LHFPL3: variants seen among roughly 807,000 people sequenced by gnomAD.
The protein encoded by LHFPL3 is LHFPL tetraspan subfamily member 3 protein.
In LHFPL3, 5 loss-of-function variants were observed where a neutral mutation model predicts 19.3. That is an observed-to-expected ratio of 0.26 (90% CI 0.14 to 0.54). The LOEUF (loss-of-function observed/expected upper bound fraction) is 0.54. Ranked by LOEUF, LHFPL3 falls within the 20% of genes least tolerant of loss-of-function variation. The pLI is 0.94. For missense variants in LHFPL3, 249 were observed against 307.4 expected, an observed-to-expected ratio of 0.81 and a Z score of 1.42; for synonymous variants, 133 against 126.2, an observed-to-expected ratio of 1.05 and a Z score of -0.36.
At chr7:104,411,461 GT>G (rs1791533698) in intron 1 of LHFPL3, among the ~76,000 whole-genome samples, 1 of 152,100 alleles carries the variant, frequency 6.6e-6, no homozygotes, top group Non-Finnish European at 1.5e-5. Flanking sequence ...TTTATTGTAT[GT>G]TTTTGAAATT....
intron 2 of LHFPL3, among the ~76,000 whole-genome samples, chr7:104,836,300 C>T (rs2116575102): frequency 6.6e-6 from 1 of 152,252 alleles, no homozygotes; most frequent in Admixed American, 6.5e-5. Context: ...TTGGATTTTA[C>T]TCTAACTGTG....
chr7:104,423,778 C>CT (rs1047234733), intron 1 of LHFPL3, among the ~76,000 whole-genome samples: 2 of 151,770 alleles, frequency 1.3e-5, no homozygotes, highest in Non-Finnish European at 2.9e-5. Flanking sequence ...TGTGTCAAGG[C>CT]TGCAGTGAGC....
At chr7:104,432,712 T>C (rs1365379254) in intron 1 of LHFPL3, among the ~76,000 whole-genome samples, 3 of 152,234 alleles carry the variant, frequency 2.0e-5, no homozygotes. Flanking sequence ...AGGTTGCCTC[T>C]ATCTGTCAGG....
chr7:104,362,222 A>G (rs956784461), intron 1 of LHFPL3, among the ~76,000 whole-genome samples: 1 of 152,220 alleles, frequency 6.6e-6, no homozygotes, highest in Non-Finnish European at 1.5e-5. Context: ...AGGAAAAGTC[A>G]GCCAAAGGTG....
intron 1 of LHFPL3, chr7:104,668,624 C>T (rs566653528): frequency 6.2e-7 from 1 of 1,612,310 alleles, no homozygotes; most frequent in Non-Finnish European, 8.5e-7. Context: ...AAGGCAGGGA[C>T]TGCTATGAAG....
intron 1 of LHFPL3, among the ~76,000 whole-genome samples, chr7:104,731,321 G>C (rs1286740563): frequency 6.6e-6 from 1 of 151,894 alleles, no homozygotes; most frequent in Non-Finnish European, 1.5e-5. Flanking sequence ...GGGCAGTATG[G>C]CATTTTCATG....
chr7:104,387,480 A>G (rs1790970607), intron 1 of LHFPL3, among the ~76,000 whole-genome samples: 1 of 152,210 alleles, frequency 6.6e-6, no homozygotes. Flanking sequence ...GCAAAACTGG[A>G]GGAATTTCAT....
At chr7:104,540,448 A>G (rs1474320521) in intron 1 of LHFPL3, among the ~76,000 whole-genome samples, 1 of 152,176 alleles carries the variant, frequency 6.6e-6, no homozygotes, top group Non-Finnish European at 1.5e-5. Context: ...AGGCCATCCT[A>G]TAATGCACAG....
chr7:104,890,065 G>A (rs369386981), intron 2 of LHFPL3, among the ~76,000 whole-genome samples: 9 of 152,232 alleles, frequency 5.9e-5, no homozygotes, highest in Non-Finnish European at 8.8e-5. Context: ...TTGTGAGATC[G>A]AGGCAGGAGG....
chr7:104,872,552 G>C (rs1370340790), intron 2 of LHFPL3, among the ~76,000 whole-genome samples: 1 of 151,978 alleles, frequency 6.6e-6, no homozygotes, highest in Non-Finnish European at 1.5e-5. Flanking sequence ...GGCTGGGATG[G>C]GAGAATCGCT....
chr7:104,518,660 T>G (rs969682047), intron 1 of LHFPL3, among the ~76,000 whole-genome samples: 5 of 152,174 alleles, frequency 3.3e-5, no homozygotes, highest in African/African-American at 4.8e-5. Flanking sequence ...GGCAGGCACC[T>G]GCAATCTCAG....
chr7:104,735,306 C>A (rs1793788190), intron 1 of LHFPL3, among the ~76,000 whole-genome samples: 1 of 152,266 alleles, frequency 6.6e-6, no homozygotes, highest in African/African-American at 2.4e-5. Context: ...CTATGCCCTG[C>A]CCCCAGAGGT....
At chr7:104,832,527 CTCATCGAGATTACTCCT>C (rs551646881) in intron 2 of LHFPL3, among the ~76,000 whole-genome samples, 27 of 151,678 alleles carry the variant, frequency 1.8e-4, no homozygotes, top group South Asian at 1.2e-3. Context: ...TCTGTTTTTT[CTCATCGAGATTACTCCT>C]TCATCCACTT....
At chr7:104,329,369 G>A in intron 1 of LHFPL3, 145 bp downstream of exon 1, 2 of 1,087,116 alleles carry the variant, frequency 1.8e-6, no homozygotes, top group Non-Finnish European at 2.5e-6. Context: ...TGGGGGGCGG[G>A]AGCCCAGCGA....
Position 104,379,336 on chromosome 7 carries a change from A to G in LHFPL3, c.445+50112A>G, listed in dbSNP as rs115049383. ...TCTTGGGCCTCCCTCGGCACAGATCAGCCTGAGCCAGAGGAAACTAACTGC... is the reference window on the plus strand; with the variant it reads ...TCTTGGGCCTCCCTCGGCACAGATCGGCCTGAGCCAGAGGAAACTAACTGC... On this transcript the variant is annotated intron_variant, in intron 1 of 2. Transcript: ENST00000424859. Among the ~76,000 whole-genome samples the G allele has an allele frequency of 3.5e-3, 538 of 152,324 alleles. 2 individuals are homozygous for G. The highest frequency in any genetic ancestry group is 0.012 in the African/African-American group (487 of 41,576).
intron 1 of LHFPL3, among the ~76,000 whole-genome samples, chr7:104,691,621 G>T (rs955278199): frequency 1.6e-4 from 25 of 152,254 alleles, no homozygotes; most frequent in African/African-American, 4.8e-4. Flanking sequence ...CCAGTGGTTT[G>T]TCTGGATGGT....
At chr7:104,739,902 A>G (rs1360199932) in intron 2 of LHFPL3, among the ~76,000 whole-genome samples, 1 of 152,192 alleles carries the variant, frequency 6.6e-6, no homozygotes, top group Admixed American at 6.5e-5. Flanking sequence ...TTCCAGTTTT[A>G]TGGTTGATAT....
intron 2 of LHFPL3, among the ~76,000 whole-genome samples, chr7:104,757,342 CA>C (rs1230442962): frequency 1.3e-5 from 2 of 152,142 alleles, no homozygotes; most frequent in African/African-American, 2.4e-5. Flanking sequence ...CAACAAAAAA[CA>C]AAAACTGACA....
intron 1 of LHFPL3, among the ~76,000 whole-genome samples, chr7:104,596,405 T>C (rs1169570465): frequency 2.0e-5 from 3 of 152,248 alleles, no homozygotes; most frequent in Admixed American, 2.0e-4. Flanking sequence ...AAATATTTTC[T>C]TCCATTTGTG....
Sources: gnomAD v4.1 joint callset for allele counts (sites outside exome capture counted in the v4.1 genomes callset) on GRCh38, gnomAD v4.1.1 for gene constraint, MANE v1.5 for transcripts, NCBI Gene and HGNC (gene_info 2026-07-23, HGNC 2026-07-21) for gene names.